Variants in TMEM120B observed in about 807,000 individuals in gnomAD.
TMEM120B encodes the protein transmembrane protein 120B.
TMEM120B carries 31 observed loss-of-function variants against 55.5 expected under a neutral mutation model. The ratio of observed to expected loss-of-function variants is 0.56; its 90% CI spans 0.42 to 0.75. The LOEUF (loss-of-function observed/expected upper bound fraction) is 0.75, where lower values mean the gene tolerates loss of function less well. TMEM120B is among the 30% of genes least tolerant of loss of function. TMEM120B has a pLI of 0.00. For missense variants in TMEM120B, 399 were observed against 425.5 expected, an observed-to-expected ratio of 0.94 and a Z score of 0.55; for synonymous variants, 203 against 176.3, an observed-to-expected ratio of 1.15 and a Z score of -1.20.
At chr12:121,717,875 C>G (rs1024697342) in intron 1 of TMEM120B, among the ~76,000 whole-genome samples, 2 of 152,156 alleles carry the variant, frequency 1.3e-5, no homozygotes, top group Non-Finnish European at 2.9e-5. Flanking sequence ...CCAGGCTGGT[C>G]TCGAATTCCT....
At chr12:121,769,563 G>A (rs576651652) in intron 6 of TMEM120B, among the ~76,000 whole-genome samples, 27 of 152,234 alleles carry the variant, frequency 1.8e-4, no homozygotes, top group Middle Eastern at 3.4e-3. Flanking sequence ...ATTTAGCTGG[G>A]CGTGGTGGCG....
chr12:121,780,583 C>G lies in TMEM120B; in HGVS notation c.*4861C>G, dbSNP rs7136373. 0.17 allele frequency: 87,545 copies of G among 519,044 alleles called. 8,582 individuals carry two copies. Among genetic ancestry groups the G allele is most frequent in the African/African-American group, 0.32 (16,329 of 51,808 alleles). The allele number at this position is 519,044 out of a possible 1,614,324, so 32.2% of individuals were successfully genotyped here. ...GGGACCAGATCCTGGCTCCACTTCT[C>G]GCTAGCTGTGTGGCCCTGGGCAAGC... is the stretch of plus-strand genomic sequence containing the variant. On this transcript the variant is annotated 3_prime_UTR_variant, in exon 12 of 12. Coordinates refer to ENST00000449592, the MANE Select transcript of TMEM120B (RefSeq NM_001080825.2).
chr12:121,731,554 G>A lies in TMEM120B; in HGVS notation c.70-12075G>A, dbSNP rs568476129. ...CATGAATACTTACCACTGTGTTACA[G>A]TCTGCTACAGTATTGAGTACAGTAG... On this transcript the variant is annotated intron_variant, in intron 1 of 11. Coordinates refer to ENST00000449592, the MANE Select transcript of TMEM120B (RefSeq NM_001080825.2). Among the ~76,000 whole-genome samples the A allele has an allele frequency of 8.0e-4, 122 of 152,312 alleles. 2 individuals are homozygous for A. Among genetic ancestry groups the A allele is most frequent in the African/African-American group, 2.7e-3 (112 of 41,552 alleles).
At chr12:121,740,170 A>G (rs1872891469) in intron 1 of TMEM120B, among the ~76,000 whole-genome samples, 1 of 152,164 alleles carries the variant, frequency 6.6e-6, no homozygotes, top group South Asian at 2.1e-4. Context: ...TATGCATTAT[A>G]CATTGTATTC....
intron 9 of TMEM120B, among the ~76,000 whole-genome samples, chr12:121,774,264 T>C (rs1233601931): frequency 6.6e-6 from 1 of 152,240 alleles, no homozygotes; most frequent in Non-Finnish European, 1.5e-5. Context: ...CCAACTCTGC[T>C]GTCTTTTGAC....
At position 121,781,410 on chromosome 12, in the gene TMEM120B, A is replaced by T. The variant is rs528823032; in HGVS notation, c.*5688A>T. On this transcript the variant is annotated 3_prime_UTR_variant, in exon 12 of 12. Coordinates refer to ENST00000449592, the MANE Select transcript of TMEM120B (RefSeq NM_001080825.2). ...CGCTTGAGCCCAGGAGGTCAAGGCT[A>T]CAGTGAGCCGTGATCATGCCACTGC... is the stretch of plus-strand genomic sequence containing the variant. 3.8e-6 allele frequency: 2 copies of T among 525,342 alleles called. No individual in the cohort carries two copies. Among genetic ancestry groups the T allele is most frequent in the East Asian group, 6.8e-5 (2 of 29,410 alleles). The allele number at this position is 525,342 out of a possible 1,614,324, so 32.5% of individuals were successfully genotyped here. A position where few individuals can be genotyped will look rare whatever the true frequency, so the allele number is the denominator to read the frequency against.
At chr12:121,771,077 G>GCCTCCCAGGGAGTAGAGCCTGGGGCCCT in intron 7 of TMEM120B, 105 bp downstream of exon 7, 1 of 1,257,626 alleles carries the variant, frequency 8.0e-7, no homozygotes, top group Non-Finnish European at 1.1e-6. Context: ...GTGTGCTCCA[G>GCCTCCCAGGGAGTAGAGCCTGGGGCCCT]GGCCAACTTG....
At position 121,781,136 on chromosome 12, in the gene TMEM120B, G is replaced by A. The variant is rs1391203488; in HGVS notation, c.*5414G>A. The A allele has an allele frequency of 2.5e-6, 4 of 1,614,128 alleles. No homozygotes were observed. Among genetic ancestry groups the A allele is most frequent in the South Asian group, 1.1e-5 (1 of 91,090 alleles). On this transcript the variant is annotated 3_prime_UTR_variant, in exon 12 of 12. Transcript: ENST00000449592. ...GGATTCATGACGTCATAGCAGATGAGCACGAGGTGGGTGTTCTGGTAGGAC... is the reference window on the plus strand; with the variant it reads ...GGATTCATGACGTCATAGCAGATGAACACGAGGTGGGTGTTCTGGTAGGAC...
chr12:121,755,256 G>A (rs975994574), intron 5 of TMEM120B, among the ~76,000 whole-genome samples: 54 of 152,316 alleles, frequency 3.5e-4, no homozygotes, highest in African/African-American at 1.2e-3. Context: ...GCATCCTCTA[G>A]GGTTCTGGGT....
Position 121,761,707 on chromosome 12 carries a change from C to T in TMEM120B, c.520C>T (p.Arg174Trp), listed in dbSNP as rs768375713. The T allele has an allele frequency of 7.4e-6, 12 of 1,613,768 alleles. No homozygotes were observed. Among genetic ancestry groups the T allele is most frequent in the South Asian group, 3.3e-5 (3 of 91,076 alleles). The change falls in exon 6 of 12, where the codon CGG (arginine) becomes TGG (tryptophan). Residue 174 changes from arginine (R) to tryptophan (W), a missense_variant. Physicochemically the swap from Arg to Trp is moderately radical, Grantham distance 101. Around this residue, in one of 3 missense-constraint regions of TMEM120B, gnomAD observed 260 missense variants for 303.9 expected, o/e 0.86. Coordinates refer to ENST00000449592, the MANE Select transcript of TMEM120B (RefSeq NM_001080825.2). ...GTGGTATTACTGCACCCTGACCATT[C>T]GGGAGAGCATTCTCATCAGCAACGG... Reference protein sequence around the residue: ...LVWYYCTLTIRESILISNGSR... With the variant: ...LVWYYCTLTIWESILISNGSR...
At chr12:121,714,545 C>T (rs1211021137) in intron 1 of TMEM120B, among the ~76,000 whole-genome samples, 1 of 150,576 alleles carries the variant, frequency 6.6e-6, no homozygotes, top group African/African-American at 2.4e-5. Context: ...TGTGCCTGGC[C>T]CTCAGCCACT....
chr12:121,725,772 C>A (rs1374373495), intron 1 of TMEM120B, among the ~76,000 whole-genome samples: 1 of 152,202 alleles, frequency 6.6e-6, no homozygotes, highest in Non-Finnish European at 1.5e-5. Flanking sequence ...CATGGTGCCT[C>A]ACGCCTGTAA....
chr12:121,772,079 TTCTCTTTCTCTCTCTC>T (rs1245437051), intron 8 of TMEM120B, among the ~76,000 whole-genome samples: 62 of 140,402 alleles, frequency 4.4e-4, no homozygotes, highest in Non-Finnish European at 5.5e-4. Flanking sequence ...TTTTCTTTCT[TTCTCTTTCTCTCTCTC>T]TCTCTTTCTC....
At chr12:121,774,786 T>G in intron 10 of TMEM120B, 64 bp downstream of exon 10, 3 of 1,556,558 alleles carry the variant, frequency 1.9e-6, no homozygotes, top group Non-Finnish European at 2.6e-6. Context: ...CAGAAGGTCT[T>G]CAGGCCTTGC....
chr12:121,733,067 C>A (rs1895033783), intron 1 of TMEM120B, among the ~76,000 whole-genome samples: 1 of 151,942 alleles, frequency 6.6e-6, no homozygotes, highest in African/African-American at 2.4e-5. Context: ...TCTCTAGAGA[C>A]ATACTTGCCT....
At position 121,781,199 on chromosome 12, in the gene TMEM120B, G is replaced by T; in HGVS notation, c.*5477G>T. On this transcript the variant is annotated 3_prime_UTR_variant, in exon 12 of 12. Coordinates refer to ENST00000449592, the MANE Select transcript of TMEM120B (RefSeq NM_001080825.2). The stretch of plus-strand genomic sequence containing the variant: ...CGGTCATAGTCTTCTTGCCCTGAAA[G>T]CACAGAGCAGCGGGGGTCAGGGGAC... 6.2e-7 allele frequency: 1 copy of T among 1,613,038 alleles called. No homozygotes were observed. The highest frequency in any genetic ancestry group is 8.5e-7 in the Non-Finnish European group (1 of 1,179,024).
chr12:121,743,972 T>C (rs1200100966), intron 2 of TMEM120B, among the ~76,000 whole-genome samples: 1 of 152,140 alleles, frequency 6.6e-6, no homozygotes, highest in East Asian at 1.9e-4. Context: ...GACTGTCCCC[T>C]TCACCAGCAG....
intron 1 of TMEM120B, among the ~76,000 whole-genome samples, chr12:121,728,388 C>A (rs1372133323): frequency 6.6e-6 from 1 of 151,492 alleles, no homozygotes; most frequent in African/African-American, 2.4e-5. Flanking sequence ...ACTCGGGAGG[C>A]TGAGGCAGGA....
At chr12:121,738,737 C>T (rs1275693064) in intron 1 of TMEM120B, among the ~76,000 whole-genome samples, 3 of 152,176 alleles carry the variant, frequency 2.0e-5, no homozygotes, top group Non-Finnish European at 4.4e-5. Flanking sequence ...AAGTTAGCAT[C>T]GTGGACACGG....
Sources: allele counts gnomAD v4.1 joint callset (sites outside exome capture counted in the v4.1 genomes callset), GRCh38; gene constraint gnomAD v4.1.1; regional missense constraint gnomAD v4.1.1; transcripts MANE v1.5; gene names NCBI Gene and HGNC (gene_info 2026-07-23, HGNC 2026-07-21).